The following ARID1B variants were observed in gnomAD, a reference collection of about 807,000 sequenced individuals.
ARID1B encodes AT-rich interaction domain 1B.
A neutral mutation model predicts 212.3 loss-of-function variants in ARID1B; 30 were observed. That is an observed-to-expected ratio of 0.14 (90% CI 0.11 to 0.19). The LOEUF (loss-of-function observed/expected upper bound fraction) is 0.19. ARID1B is among the 10% of genes least tolerant of loss of function. The pLI, the probability that ARID1B is intolerant of heterozygous loss-of-function variation, is 1.00. For missense variants in ARID1B, 2,891 were observed against 3,204.0 expected, an observed-to-expected ratio of 0.90 and a Z score of 2.36; for synonymous variants, 1,402 against 1,301.7, an observed-to-expected ratio of 1.08 and a Z score of -1.66.
chr6:156,782,929 T>C (rs1299710084), intron 1 of ARID1B, among the ~76,000 whole-genome samples: 1 of 152,130 alleles, frequency 6.6e-6, no homozygotes, highest in Non-Finnish European at 1.5e-5. Flanking sequence ...ATCGTTTTCA[T>C]TGGGAGTCCT....
chr6:156,810,763 C>T (rs1781500415), intron 1 of ARID1B, among the ~76,000 whole-genome samples: 1 of 152,122 alleles, frequency 6.6e-6, no homozygotes, highest in African/African-American at 2.4e-5. Context: ...AGCACCAACA[C>T]CAATATTTTG....
At chr6:156,886,337 C>T (rs1218997415) in intron 2 of ARID1B, among the ~76,000 whole-genome samples, 1 of 152,194 alleles carries the variant, frequency 6.6e-6, no homozygotes, top group Non-Finnish European at 1.5e-5. Context: ...GGATTCCAGG[C>T]ACCTGCCACC....
At chr6:157,060,268 G>A (rs1011577889) in intron 4 of ARID1B, among the ~76,000 whole-genome samples, 6 of 152,168 alleles carry the variant, frequency 3.9e-5, no homozygotes, top group South Asian at 2.1e-4. Flanking sequence ...AAACCAATAC[G>A]ATGGTAAAGC....
chr6:157,090,252 G>A (rs1236236411), intron 5 of ARID1B, among the ~76,000 whole-genome samples: 3 of 152,218 alleles, frequency 2.0e-5, no homozygotes, highest in African/African-American at 7.2e-5. Flanking sequence ...GCTCACCGTG[G>A]GGGTGAGGAA....
rs140233385 is a variant in ARID1B at position 156,795,676 on chromosome 6, C to T, written c.1791+16205C>T. On this transcript the variant is annotated intron_variant, in intron 1 of 19. Transcript: ENST00000636930. ...TTAGGAGGTTGTGGAAAGCACTCAG[C>T]GGACACCTTCTTTCCCTCCCTCCCC... Among the ~76,000 whole-genome samples, 6 of 152,208 alleles carry T rather than the reference C, an allele frequency of 3.9e-5. No individual in the cohort carries two copies. The East Asian group carries it at 9.7e-4, about 25-fold the overall frequency.
rs1583520824 is a variant in ARID1B, at chr6:157,208,787, G to T, written c.*896G>T. 2 of 207,680 alleles carry T rather than the reference G, an allele frequency of 9.6e-6. No homozygotes were observed. Among genetic ancestry groups the T allele is most frequent in the African/African-American group, 5.0e-5 (2 of 39,982 alleles). 12.9% of individuals were successfully genotyped at this position (207,680 alleles called of 1,614,324 possible). A position where few individuals can be genotyped will look rare whatever the true frequency, so the allele number is the denominator to read the frequency against. ...ATGTGGTAACTACGAAGTGATGGTA[G>T]ATTTAAATAATTTTTTATTTTTATT... is the stretch of plus-strand genomic sequence containing the variant. On this transcript the variant is annotated 3_prime_UTR_variant, in exon 20 of 20. Transcript: ENST00000636930.
At chr6:157,153,540 T>G (rs1256059047) in intron 8 of ARID1B, among the ~76,000 whole-genome samples, 1 of 152,240 alleles carries the variant, frequency 6.6e-6, no homozygotes, top group Non-Finnish European at 1.5e-5. Context: ...TCCATCCATC[T>G]GTAGATCAGT....
chr6:157,010,215 T>A (rs1779489613), intron 4 of ARID1B, among the ~76,000 whole-genome samples: 1 of 152,074 alleles, frequency 6.6e-6, no homozygotes, highest in South Asian at 2.1e-4. Flanking sequence ...CGAGCTATTA[T>A]TTACTCCTGA....
chr6:156,813,031 CAT>C (rs11372443), intron 1 of ARID1B, among the ~76,000 whole-genome samples: 15,484 of 70,632 alleles, frequency 0.22, 1,290 homozygotes, highest in Non-Finnish European at 0.32. Context: ...TATGTATATA[CAT>C]ATATATATAC....
intron 3 of ARID1B, among the ~76,000 whole-genome samples, chr6:156,926,764 C>A (rs1408816705): frequency 1.3e-5 from 2 of 152,166 alleles, no homozygotes; most frequent in East Asian, 3.8e-4. Flanking sequence ...CTCACTGCAA[C>A]TTCGCCTCCC....
chr6:156,970,424 G>C (rs1006410438), intron 4 of ARID1B, among the ~76,000 whole-genome samples: 1 of 152,096 alleles, frequency 6.6e-6, no homozygotes, highest in Non-Finnish European at 1.5e-5. Flanking sequence ...ATCAAAAATT[G>C]CTTTTGATTT....
intron 4 of ARID1B, chr6:157,072,047 T>C (rs2128432633): frequency 6.6e-6 from 1 of 152,376 alleles, no homozygotes; most frequent in South Asian, 2.1e-4. Context: ...AGTATGCATA[T>C]GAGCAGAATT....
intron 1 of ARID1B, among the ~76,000 whole-genome samples, chr6:156,812,989 T>TATATATACAC (rs1383010651): frequency 1.4e-5 from 2 of 147,100 alleles, no homozygotes; most frequent in Middle Eastern, 3.6e-3. Flanking sequence ...TGTATATACA[T>TATATATACAC]ACGTATGTAT....
At chr6:157,110,851 T>A (rs2128519086) in intron 6 of ARID1B, 1 of 448,598 alleles carries the variant, frequency 2.2e-6, no homozygotes, top group Non-Finnish European at 4.1e-6. Context: ...TGGTATTTGG[T>A]CTAGCTGTGT....
intron 2 of ARID1B, among the ~76,000 whole-genome samples, chr6:156,875,767 G>A (rs755931482): frequency 2.6e-5 from 4 of 152,196 alleles, no homozygotes; most frequent in Non-Finnish European, 5.9e-5. Flanking sequence ...GCTTACTGCC[G>A]TGTTGTGCTG....
intron 7 of ARID1B, among the ~76,000 whole-genome samples, chr6:157,138,557 G>T (rs993926503): frequency 1.3e-5 from 2 of 152,154 alleles, no homozygotes; most frequent in African/African-American, 2.4e-5. Context: ...TGGCTTAAAT[G>T]CAGCTGCTCT....
At chr6:156,962,774 C>T (rs1205563001) in intron 4 of ARID1B, among the ~76,000 whole-genome samples, 2 of 152,096 alleles carry the variant, frequency 1.3e-5, no homozygotes, top group African/African-American at 2.4e-5. Context: ...TGAGCCATCA[C>T]ACCTGGCCGA....
At chr6:156,995,887 T>TA (rs1251025902) in intron 4 of ARID1B, among the ~76,000 whole-genome samples, 3 of 152,202 alleles carry the variant, frequency 2.0e-5, no homozygotes, top group African/African-American at 7.2e-5. Context: ...TGGAACATAT[T>TA]ACATAGGACA....
intron 2 of ARID1B, among the ~76,000 whole-genome samples, chr6:156,893,987 C>T (rs1448838468): frequency 6.6e-6 from 1 of 152,082 alleles, no homozygotes; most frequent in African/African-American, 2.4e-5. Flanking sequence ...TATTTGTAAA[C>T]CCCTATTCAG....
Sources: gnomAD v4.1 joint callset for allele counts (sites outside exome capture counted in the v4.1 genomes callset) on GRCh38, gnomAD v4.1.1 for gene constraint, MANE v1.5 for transcripts, NCBI Gene and HGNC (gene_info 2026-07-23, HGNC 2026-07-21) for gene names.